The following ANTXR2 variants were observed in gnomAD, a reference collection of about 807,000 sequenced individuals.
ANTXR2 encodes anthrax toxin receptor 2.
ANTXR2 carries 44 observed loss-of-function variants against 73.7 expected under a neutral mutation model. The observed-to-expected ratio is 0.60, with a 90% CI of 0.47 to 0.77. The LOEUF (loss-of-function observed/expected upper bound fraction) is 0.77. Ranked by LOEUF, ANTXR2 falls within the 30% of genes least tolerant of loss-of-function variation. ANTXR2 has a pLI of 0.00. For synonymous variants in ANTXR2, 217 were observed against 205.9 expected (o/e 1.05, Z -0.46); for missense variants, 604 against 592.5 (o/e 1.02, Z -0.20).
chr4:79,932,550 T>C (rs1325189374), intron 16 of ANTXR2, among the ~76,000 whole-genome samples: 2 of 151,906 alleles, frequency 1.3e-5, no homozygotes, highest in African/African-American at 2.4e-5. Flanking sequence ...CTCAGCACTT[T>C]GGGAGGCGAG....
chr4:79,925,832 A>C (rs552216366), intron 16 of ANTXR2, among the ~76,000 whole-genome samples: 1 of 152,246 alleles, frequency 6.6e-6, no homozygotes, highest in African/African-American at 2.4e-5. Context: ...GAACAAGTTA[A>C]GTTTTAAGCA....
At chr4:79,980,069 A>AT (rs1014347178) in intron 14 of ANTXR2, among the ~76,000 whole-genome samples, 32 of 152,284 alleles carry the variant, frequency 2.1e-4, no homozygotes, top group Admixed American at 6.5e-4. Flanking sequence ...AGATTAAAAA[A>AT]ATATATATAT....
At position 79,976,594 on chromosome 4, in the gene ANTXR2, G is replaced by A. The variant is rs145752248; in HGVS notation, c.1428+1027C>T. Among the ~76,000 whole-genome samples the A allele has an allele frequency of 2.2e-4, 33 of 152,314 alleles. 1 individual carries two copies. The East Asian group carries it at 5.6e-3, about 26-fold the overall frequency. On this transcript the variant is annotated intron_variant, in intron 16 of 16. Coordinates refer to ENST00000403729, the MANE Select transcript of ANTXR2 (RefSeq NM_058172.6). The stretch of plus-strand genomic sequence containing the variant: ...TATAATTAAAAGTGGGTATCAATAT[G>A]ACTACAGAACTGCCTCTGAGCTGCT...
intron 16 of ANTXR2, among the ~76,000 whole-genome samples, chr4:79,946,605 T>C (rs994704923): frequency 6.6e-6 from 1 of 152,130 alleles, no homozygotes; most frequent in Non-Finnish European, 1.5e-5. Flanking sequence ...AAATTGTCAG[T>C]AGCCAACTCT....
chr4:79,950,641 A>G (rs1010965943), intron 16 of ANTXR2, among the ~76,000 whole-genome samples: 5 of 152,184 alleles, frequency 3.3e-5, no homozygotes, highest in African/African-American at 4.8e-5. Context: ...AAAACAAAAC[A>G]AAACAGATGC....
chr4:80,060,201 T>C (rs1331510239), intron 3 of ANTXR2, among the ~76,000 whole-genome samples: 1 of 152,170 alleles, frequency 6.6e-6, no homozygotes. Context: ...ATATGCACTG[T>C]GGTTCTCCAC....
intron 12 of ANTXR2, among the ~76,000 whole-genome samples, chr4:79,993,760 G>GCGCGCGCACACACACACA (rs71662888): frequency 2.1e-5 from 3 of 140,770 alleles, no homozygotes; most frequent in South Asian, 2.3e-4. Flanking sequence ...ACACACACAC[G>GCGCGCGCACACACACACA]CACACACACA....
intron 10 of ANTXR2, chr4:80,024,621 G>A: frequency 2.5e-6 from 1 of 407,190 alleles, no homozygotes; most frequent in Non-Finnish European, 4.8e-6. Context: ...AATTAGCAGG[G>A]TGTGGTGGTA....
At chr4:79,926,812 A>T (rs1169528844) in intron 16 of ANTXR2, among the ~76,000 whole-genome samples, 1 of 151,970 alleles carries the variant, frequency 6.6e-6, no homozygotes, top group Non-Finnish European at 1.5e-5. Context: ...AGTAGCCAAG[A>T]TATGGAAACA....
chr4:79,920,891 C>A (rs569619761), intron 16 of ANTXR2, among the ~76,000 whole-genome samples: 9 of 152,070 alleles, frequency 5.9e-5, no homozygotes, highest in Admixed American at 2.0e-4. Context: ...CAAAAAATAC[C>A]CATCAGACAA....
At chr4:80,071,492 A>G (rs1406540675) in intron 2 of ANTXR2, 91 bp downstream of exon 2, 17 of 1,084,850 alleles carry the variant, frequency 1.6e-5, no homozygotes, top group South Asian at 1.3e-4. Flanking sequence ...CATTTCAGGA[A>G]AAGTTTTTCC....
chr4:79,996,370 G>T (rs1730730904), intron 12 of ANTXR2, among the ~76,000 whole-genome samples: 2 of 134,674 alleles, frequency 1.5e-5, no homozygotes, highest in Admixed American at 1.6e-4. Context: ...TGAATGAATT[G>T]ACAAATAGAT....
At chr4:79,908,841 T>C (rs2109925347) in intron 16 of ANTXR2, among the ~76,000 whole-genome samples, 1 of 152,206 alleles carries the variant, frequency 6.6e-6, no homozygotes, top group Non-Finnish European at 1.5e-5. Context: ...ATTTTCAGAG[T>C]GCATATTAAG....
chr4:79,935,502 G>C (rs1222780189), intron 16 of ANTXR2, among the ~76,000 whole-genome samples: 1 of 125,342 alleles, frequency 8.0e-6, no homozygotes, highest in African/African-American at 2.6e-5. Context: ...GAGCTCAAAG[G>C]CCAGCTGAAC....
At chr4:80,013,889 T>C (rs1356234884) in intron 11 of ANTXR2, among the ~76,000 whole-genome samples, 1 of 152,196 alleles carries the variant, frequency 6.6e-6, no homozygotes, top group African/African-American at 2.4e-5. Context: ...CCTGAAAAAT[T>C]GAATTGTAGT....
intron 11 of ANTXR2, among the ~76,000 whole-genome samples, chr4:80,010,808 T>C (rs1225795444): frequency 6.6e-6 from 1 of 152,138 alleles, no homozygotes; most frequent in African/African-American, 2.4e-5. Context: ...TATAATTTAT[T>C]ATTACAATAT....
intron 7 of ANTXR2, among the ~76,000 whole-genome samples, chr4:80,036,631 C>T (rs1000305292): frequency 4.6e-5 from 7 of 151,812 alleles, no homozygotes; most frequent in Non-Finnish European, 8.8e-5. Context: ...TGAATCCTGT[C>T]TCTACTAAAA....
rs1726833331 is a variant in ANTXR2 at position 79,904,545 on chromosome 4, C to T, written c.*2884G>A. Reference sequence around the variant, plus strand: ...CACCAAATGCTCTAAGGAAAACATTCCAAGTATCAAAGTTTTCAGATAGAT... The same window carrying T: ...CACCAAATGCTCTAAGGAAAACATTTCAAGTATCAAAGTTTTCAGATAGAT... On this transcript the variant is annotated 3_prime_UTR_variant, in exon 17 of 17. Coordinates refer to ENST00000403729, the MANE Select transcript of ANTXR2 (RefSeq NM_058172.6). 6.6e-6 allele frequency: 1 copy of T among 151,948 alleles called. No homozygotes were observed. The highest frequency in any genetic ancestry group is 6.6e-5 in the Admixed American group (1 of 15,242). 9.4% of individuals were successfully genotyped at this position (151,948 alleles called of 1,614,324 possible).
chr4:80,010,971 C>A (rs1456724577), intron 11 of ANTXR2, among the ~76,000 whole-genome samples: 1 of 151,784 alleles, frequency 6.6e-6, no homozygotes, highest in African/African-American at 2.4e-5. Context: ...CATGGTGAAA[C>A]CCCATCTCTA....
Sources: gnomAD v4.1 joint callset for allele counts (sites outside exome capture counted in the v4.1 genomes callset) on GRCh38, gnomAD v4.1.1 for gene constraint, MANE v1.5 for transcripts, NCBI Gene and HGNC (gene_info 2026-07-23, HGNC 2026-07-21) for gene names.